Variants in MRGPRX3 observed in about 807,000 individuals in gnomAD.
The protein encoded by MRGPRX3 is mas-related G protein-coupled receptor member X3.
In MRGPRX3, 14 loss-of-function variants were observed where a neutral mutation model predicts 16.5. The observed-to-expected ratio is 0.85, with a 90% CI of 0.56 to 1.33. The LOEUF is 1.33. Ranked by LOEUF, MRGPRX3 falls within the 40% of genes most tolerant of loss-of-function variation. The pLI, the probability that MRGPRX3 is intolerant of heterozygous loss-of-function variation, is 0.00. For missense variants in MRGPRX3, 449 were observed against 413.0 expected, an observed-to-expected ratio of 1.09 and a Z score of -0.76; for synonymous variants, 199 against 180.1, an observed-to-expected ratio of 1.10 and a Z score of -0.84.
In MRGPRX3 at chr11:18,138,292, CT is replaced by C; in HGVS notation, c.*123del. 6.9e-7 allele frequency: 1 copy of C among 1,455,458 alleles called. No homozygotes were observed. The highest frequency in any genetic ancestry group is 9.2e-7 in the Non-Finnish European group (1 of 1,084,188). The allele number at this position is 1,455,458 out of a possible 1,614,324, so 90.2% of individuals were successfully genotyped here. ...AAATGTCTCAGTGGTCCCTCAAGGT[CT>C]TCGAATAGATGTTTATCTAACCTGA... On this transcript the variant is annotated 3_prime_UTR_variant, in exon 2 of 2. Transcript: ENST00000621697.
chr11:18,136,766 C>G (rs1040935630), intron 1 of MRGPRX3, among the ~76,000 whole-genome samples: 7 of 152,178 alleles, frequency 4.6e-5, no homozygotes, highest in Non-Finnish European at 7.4e-5. Flanking sequence ...TCCTCTGGTT[C>G]ATAATGCATG....
At chr11:18,125,578 T>TAAGG (rs59256922) in intron 1 of MRGPRX3, among the ~76,000 whole-genome samples, 29,943 of 151,990 alleles carry the variant, frequency 0.2, 3,410 homozygotes, top group African/African-American at 0.31. Context: ...TTCTCTCTTT[T>TAAGG]ACTTTTGCTG....
rs1177408632 is a variant in MRGPRX3 at position 18,137,484 on chromosome 11, C to A, written c.282C>A (p.Ile94=). The A allele has an allele frequency of 6.2e-7, 1 of 1,614,192 alleles. No homozygotes were observed. The highest frequency in any genetic ancestry group is 1.7e-5 in the Admixed American group (1 of 60,030). The change falls in exon 2 of 2, where the codon ATC becomes ATA. Residue 94 remains isoleucine (I), a synonymous_variant. Transcript: ENST00000621697. The stretch of plus-strand genomic sequence containing the variant: ...GCCTCATCAATATCCGCCATCCCAT[C>A]TCCAAAATCCTCAGTCCTGTGATGA... ...PLRLINIRHP[I]SKILSPVMTF...
intron 1 of MRGPRX3, among the ~76,000 whole-genome samples, chr11:18,125,043 A>G (rs1450755529): frequency 6.6e-6 from 1 of 151,114 alleles, no homozygotes; most frequent in Non-Finnish European, 1.5e-5. Context: ...TATTCCCTTT[A>G]TCATTTTTTA....
upstream of MRGPRX3, among the ~76,000 whole-genome samples, chr11:18,127,586 A>G (rs201185710): frequency 0.011 from 1,469 of 131,410 alleles, no homozygotes; most frequent in South Asian, 0.015. Flanking sequence ...TTGTGCATTC[A>G]TCATGTAGTT....
upstream of MRGPRX3, among the ~76,000 whole-genome samples, chr11:18,128,392 C>T (rs1848924527): frequency 6.6e-6 from 1 of 152,368 alleles, no homozygotes; most frequent in South Asian, 2.1e-4. Flanking sequence ...TTTACAGAGG[C>T]AGGCAGGCCT....
chr11:18,130,010 G>A (rs1246716291), upstream of MRGPRX3, among the ~76,000 whole-genome samples: 3 of 152,100 alleles, frequency 2.0e-5, no homozygotes, highest in Non-Finnish European at 2.9e-5. Flanking sequence ...CAGCAAAATC[G>A]ACATAGAAAG....
chr11:18,133,541 A>G (rs1283970320), intron 1 of MRGPRX3, among the ~76,000 whole-genome samples: 3 of 152,168 alleles, frequency 2.0e-5, no homozygotes, highest in Non-Finnish European at 4.4e-5. Flanking sequence ...TTGTTGTGAT[A>G]CTGACGAGTT....
chr11:18,129,797 C>T (rs765893507), upstream of MRGPRX3, among the ~76,000 whole-genome samples: 1 of 152,158 alleles, frequency 6.6e-6, no homozygotes, highest in African/African-American at 2.4e-5. Flanking sequence ...TACTAGCTAA[C>T]CCAATCCAAC....
chr11:18,130,189 CAA>C (rs2134082509), upstream of MRGPRX3, among the ~76,000 whole-genome samples: 1 of 152,174 alleles, frequency 6.6e-6, no homozygotes, highest in South Asian at 2.1e-4. Context: ...AGCAATCAGA[CAA>C]GAGAAAGAAA....
chr11:18,120,975 A>G, exon 1 of MRGPRX3: 1 of 173,576 alleles, frequency 5.8e-6, no homozygotes, highest in Non-Finnish European at 1.2e-5. Flanking sequence ...GAAAGTGAGG[A>G]GCGTCTTTGC....
intron 1 of MRGPRX3, among the ~76,000 whole-genome samples, chr11:18,123,979 G>T (rs1185030903): frequency 6.7e-6 from 1 of 150,266 alleles, no homozygotes; most frequent in Non-Finnish European, 1.5e-5. Context: ...TCATTATTTG[G>T]CTCTCTGTTT....
At chr11:18,128,587 A>G (rs1848926520), upstream of MRGPRX3, among the ~76,000 whole-genome samples, 1 of 152,242 alleles carries the variant, frequency 6.6e-6, no homozygotes, top group African/African-American at 2.4e-5. Flanking sequence ...CAGGCACAGG[A>G]TACAATCTCC....
intron 1 of MRGPRX3, 30 bp from the exon 2 acceptor site, chr11:18,137,148 C>T (rs535622671): frequency 4.0e-4 from 620 of 1,533,600 alleles, no homozygotes; most frequent in Non-Finnish European, 5.2e-4. Context: ...GATCAAACAG[C>T]TGGTGATCAC....
upstream of MRGPRX3, among the ~76,000 whole-genome samples, chr11:18,128,364 C>A (rs1848924029): frequency 6.6e-6 from 1 of 152,238 alleles, no homozygotes; most frequent in Admixed American, 6.5e-5. Context: ...TGGCTATGGC[C>A]TGCCCCCAGA....
rs191217849 is a variant in MRGPRX3 at position 18,134,578 on chromosome 11, A to G, written c.-26+1839A>G. ...ATTTTGGTCTGTGCTGGGGTTCTGGAAAGAATCCCCTGTAAATACACAAAA... is the reference window on the plus strand; with the variant it reads ...ATTTTGGTCTGTGCTGGGGTTCTGGGAAGAATCCCCTGTAAATACACAAAA... On this transcript the variant is annotated intron_variant, in intron 1 of 1. Coordinates refer to ENST00000621697, the MANE Select transcript of MRGPRX3 (RefSeq NM_001370464.1). Among the ~76,000 whole-genome samples the G allele has an allele frequency of 2.8e-3, 433 of 152,300 alleles. 2 individuals are homozygous for G. Among genetic ancestry groups the G allele is most frequent in the South Asian group, 0.02 (98 of 4,820 alleles).
chr11:18,123,865 G>C (rs1388369879), intron 1 of MRGPRX3, among the ~76,000 whole-genome samples: 4 of 152,170 alleles, frequency 2.6e-5, no homozygotes, highest in East Asian at 1.9e-4. Flanking sequence ...TTATTTCATT[G>C]AGCAGTGGTT....
At chr11:18,122,044 A>C (rs1158010787) in intron 1 of MRGPRX3, among the ~76,000 whole-genome samples, 1 of 151,836 alleles carries the variant, frequency 6.6e-6, no homozygotes, top group Non-Finnish European at 1.5e-5. Context: ...AAAAAAGAAA[A>C]ATCTTTCAAG....
chr11:18,137,925 G>T lies in MRGPRX3; in HGVS notation c.723G>T (p.Arg241Ser), dbSNP rs755686615. ...GCATTCAGTGGGCCCTGTTTTCCAG[G>T]ATCCACCTGGATTGGAAAGTCTTAT... Reference protein sequence around the residue: ...PFGIQWALFSRIHLDWKVLFC... With the variant: ...PFGIQWALFSSIHLDWKVLFC... The change falls in exon 2 of 2, where the codon AGG becomes AGT. Residue 241 changes from arginine (R) to serine (S), a missense_variant. Arg to Ser is a moderately radical substitution (Grantham distance 110, BLOSUM62 -1). Coordinates refer to ENST00000621697, the MANE Select transcript of MRGPRX3 (RefSeq NM_001370464.1). 6.2e-7 allele frequency: 1 copy of T among 1,614,174 alleles called. No homozygotes were observed. Among genetic ancestry groups the T allele is most frequent in the Admixed American group, 1.7e-5 (1 of 60,024 alleles).
Sources: gnomAD v4.1 joint callset for allele counts (sites outside exome capture counted in the v4.1 genomes callset) on GRCh38, gnomAD v4.1.1 for gene constraint, MANE v1.5 for transcripts, NCBI Gene and HGNC (gene_info 2026-07-23, HGNC 2026-07-21) for gene names.